FAT1: variants seen among roughly 807,000 people sequenced by gnomAD.
The protein encoded by FAT1 is FAT atypical cadherin 1.
In FAT1, 171 loss-of-function variants were observed where a neutral mutation model predicts 329.8. The observed-to-expected ratio is 0.52, with a 90% confidence interval of 0.46 to 0.59. The LOEUF is 0.59. FAT1 is among the 20% of genes least tolerant of loss of function. FAT1 has a pLI of 0.00. For synonymous variants in FAT1, 2,233 were observed against 2,228.6 expected, an observed-to-expected ratio of 1.00 and a Z score of -0.06; for missense variants, 5,672 against 5,774.4, an observed-to-expected ratio of 0.98 and a Z score of 0.57.
chr4:186,682,526 C>CAAAAAAAAAAAAAA (rs10561120), intron 2 of FAT1, among the ~76,000 whole-genome samples: 7,823 of 117,742 alleles, frequency 0.066, 695 homozygotes, highest in East Asian at 0.09. Context: ...GACTCTGTCT[C>CAAAAAAAAAAAAAA]AAAAAAAAAA....
intron 2 of FAT1, among the ~76,000 whole-genome samples, chr4:186,692,013 T>A (rs1169920636): frequency 6.6e-6 from 1 of 152,154 alleles, no homozygotes; most frequent in African/African-American, 2.4e-5. Flanking sequence ...TGGGACTTAC[T>A]ACTTCTCTAA....
intron 1 of FAT1, among the ~76,000 whole-genome samples, chr4:186,712,119 A>T (rs573536979): frequency 1.3e-5 from 2 of 152,366 alleles, no homozygotes; most frequent in East Asian, 3.9e-4. Context: ...AGCCATTAAA[A>T]GATAGCACTC....
rs751478091 is a variant in FAT1 at position 186,618,174 on chromosome 4, G to A, written c.8412C>T (p.Asp2804=). Residue 2804 remains aspartate, a synonymous_variant, in exon 10 of 27, where the codon GAC becomes GAT. Transcript: ENST00000441802. ...GACTAGATTCAAAGACCGGGCTGTT[G>A]TCATTTGCATCTTTCACTTGGATAC... is the stretch of plus-strand genomic sequence containing the variant. ...DVSIQVKDAN[D]NSPVFESSPY... The A allele has an allele frequency of 1.2e-6, 2 of 1,613,974 alleles. No individual in the cohort carries two copies. The highest frequency in any genetic ancestry group is 2.2e-5 in the South Asian group (2 of 91,080).
chr4:186,662,385 T>C (rs963318175), intron 3 of FAT1, among the ~76,000 whole-genome samples: 4 of 152,202 alleles, frequency 2.6e-5, no homozygotes, highest in Non-Finnish European at 5.9e-5. Flanking sequence ...TAGAAGTTTA[T>C]AAAAATTTCG....
At chr4:186,704,568 T>C (rs537911028) in intron 2 of FAT1, among the ~76,000 whole-genome samples, 4 of 152,334 alleles carry the variant, frequency 2.6e-5, no homozygotes, top group South Asian at 4.1e-4. Flanking sequence ...CAGTTCTTTA[T>C]AGGCTTTTGA....
rs2126518153 is a variant in FAT1, at chr4:186,620,694, A to T, written c.5892T>A (p.Ser1964=). The T allele has an allele frequency of 6.2e-7, 1 of 1,614,030 alleles. No individual in the cohort carries two copies. The highest frequency in any genetic ancestry group is 8.5e-7 in the Non-Finnish European group (1 of 1,179,896). ...TGCTTTCTTTCACATTAATTTTGAC[A>T]GAGGTAAGGCCGGCAAATCTGCCAT... is the stretch of plus-strand genomic sequence containing the variant. The part of the protein sequence containing the change: ...ASDGRFAGLT[S]VKINVKESKE... The change falls in exon 10 of 27, where the codon TCT becomes TCA. Residue 1964 remains serine (S), a synonymous_variant. Coordinates refer to ENST00000441802, the MANE Select transcript of FAT1 (RefSeq NM_005245.4).
At chr4:186,641,278 G>A (rs922366185) in intron 3 of FAT1, among the ~76,000 whole-genome samples, 2 of 152,212 alleles carry the variant, frequency 1.3e-5, no homozygotes, top group South Asian at 2.1e-4. Flanking sequence ...CAGATCATAG[G>A]TATAGATTAA....
At chr4:186,689,393 A>AT (rs1022633614) in intron 2 of FAT1, among the ~76,000 whole-genome samples, 3 of 152,070 alleles carry the variant, frequency 2.0e-5, no homozygotes, top group African/African-American at 4.8e-5. Flanking sequence ...ATCACTGGAC[A>AT]TTTTTTTTCT....
chr4:186,678,627 T>C (rs1743059714), intron 2 of FAT1, among the ~76,000 whole-genome samples: 2 of 148,862 alleles, frequency 1.3e-5, no homozygotes, highest in African/African-American at 4.9e-5. Flanking sequence ...GTTATTAATA[T>C]ATTATTACTT....
At chr4:186,676,898 C>T (rs764353745) in intron 2 of FAT1, among the ~76,000 whole-genome samples, 72 of 152,244 alleles carry the variant, frequency 4.7e-4, no homozygotes, top group Admixed American at 1.8e-3. Context: ...GAATCATATG[C>T]AATTCAGTTC....
intron 2 of FAT1, among the ~76,000 whole-genome samples, chr4:186,687,885 C>T (rs752299152): frequency 3.9e-5 from 6 of 152,116 alleles, no homozygotes; most frequent in South Asian, 2.1e-4. Flanking sequence ...TTACAAATCC[C>T]GCACCTGGCA....
chr4:186,710,419 A>T (rs975399263), intron 1 of FAT1, among the ~76,000 whole-genome samples: 1 of 152,222 alleles, frequency 6.6e-6, no homozygotes, highest in Non-Finnish European at 1.5e-5. Context: ...TCTGTATAAG[A>T]ATGGTTAAGT....
chr4:186,699,656 G>C (rs1744205061), intron 2 of FAT1, among the ~76,000 whole-genome samples: 1 of 150,926 alleles, frequency 6.6e-6, no homozygotes, highest in African/African-American at 2.4e-5. Flanking sequence ...GTCTTGTATG[G>C]AGCATGCACT....
At chr4:186,703,819 G>A (rs546905092) in intron 2 of FAT1, among the ~76,000 whole-genome samples, 75 of 152,302 alleles carry the variant, frequency 4.9e-4, no homozygotes, top group South Asian at 4.1e-3. Flanking sequence ...CACCTGACAC[G>A]CATCTTTCCA....
intron 3 of FAT1, among the ~76,000 whole-genome samples, chr4:186,655,440 AT>A (rs11318097): frequency 0.63 from 92,336 of 146,560 alleles, 29,720 homozygotes; most frequent in African/African-American, 0.83. Flanking sequence ...CAATAAGGTG[AT>A]TTTTTTTTTT....
At chr4:186,673,808 T>C (rs568285267) in intron 2 of FAT1, among the ~76,000 whole-genome samples, 396 of 152,326 alleles carry the variant, frequency 2.6e-3, no homozygotes, top group African/African-American at 9.1e-3. Context: ...TAAGCTCTGC[T>C]AAACCATGTT....
chr4:186,688,714 G>C (rs1279250493), intron 2 of FAT1, among the ~76,000 whole-genome samples: 1 of 130,322 alleles, frequency 7.7e-6, no homozygotes, highest in African/African-American at 2.9e-5. Context: ...GCCAGCAGCC[G>C]GCACAAAATA....
intron 2 of FAT1, among the ~76,000 whole-genome samples, chr4:186,672,306 C>T (rs1294845659): frequency 6.6e-6 from 1 of 152,046 alleles, no homozygotes; most frequent in African/African-American, 2.4e-5. Flanking sequence ...AGTAAGTCAA[C>T]CAAGAAGCAT....
intron 2 of FAT1, among the ~76,000 whole-genome samples, chr4:186,672,114 G>A (rs1369959929): frequency 6.6e-6 from 1 of 152,094 alleles, no homozygotes; most frequent in Non-Finnish European, 1.5e-5. Flanking sequence ...AATATGTAAA[G>A]ACCAATGTTT....
Sources: allele counts gnomAD v4.1 joint callset (sites outside exome capture counted in the v4.1 genomes callset), GRCh38; gene constraint gnomAD v4.1.1; transcripts MANE v1.5; gene names NCBI Gene and HGNC (gene_info 2026-07-23, HGNC 2026-07-21).